The following CLUH variants were observed in gnomAD, a reference collection of about 807,000 sequenced individuals.
The protein encoded by CLUH is CLUH binding protein of NUMT mRNA, also known as clustered mitochondria protein homolog.
A neutral mutation model predicts 139.3 loss-of-function variants in CLUH; 77 were observed. The observed-to-expected ratio is 0.55, with a 90% CI of 0.46 to 0.67. The LOEUF (loss-of-function observed/expected upper bound fraction) is 0.67, where lower values mean the gene tolerates loss of function less well. CLUH is among the 30% of genes least tolerant of loss of function. The probability of loss-of-function intolerance (pLI) is 0.00; values close to 1 mark genes in which losing one functional copy is unlikely to be tolerated. For missense variants in CLUH, 1,876 were observed against 1,875.8 expected (o/e 1.00, Z 0.00); for synonymous variants, 999 against 801.6 (o/e 1.25, Z -4.16).
At position 2,707,669 on chromosome 17, in the gene CLUH, C is replaced by G. The variant is rs566392738; in HGVS notation, c.101-3105G>C. ...AGGGGGTCCTCTCCTCCGCTCCCAT[C>G]CCAGTGGGGGTGAACAGGACCGCTT... is the stretch of plus-strand genomic sequence containing the variant. On this transcript the variant is annotated intron_variant, in intron 1 of 25. Coordinates refer to ENST00000651024, the MANE Select transcript of CLUH (RefSeq NM_001366661.1). This position sits in a 1 kb window ranked among gnomAD's most constrained non-coding sequence, Gnocchi z 7.4. 1 of 985,406 alleles carries G rather than the reference C, an allele frequency of 1.0e-6. No homozygotes were observed. Among genetic ancestry groups the G allele is most frequent in the Admixed American group, 6.1e-5 (1 of 16,292 alleles). 61.0% of individuals were successfully genotyped at this position (985,406 alleles called of 1,614,324 possible).
In CLUH at chr17:2,698,337, GTGTACAGCCCCTCCACGTCCACCGCGT is replaced by G; in HGVS notation, c.1493_1519del (p.Asn498_Tyr506del). ...GTAATCCACCACCACCGTGCCCAGCGTGTACAGCCCCTCCACGTCCACCGCGTTGTACGTGCGGACGCCATTCAGGTC... is the reference window on the plus strand; with the variant it reads ...GTAATCCACCACCACCGTGCCCAGCGTGTACGTGCGGACGCCATTCAGGTC... On this transcript the variant is annotated inframe_deletion, in exon 10 of 26. Coordinates refer to ENST00000651024, the MANE Select transcript of CLUH (RefSeq NM_001366661.1). 2 of 1,613,116 alleles carry G rather than the reference GTGTACAGCCCCTCCACGTCCACCGCGT, an allele frequency of 1.2e-6. No individual in the cohort carries two copies. The highest frequency in any genetic ancestry group is 1.7e-6 in the Non-Finnish European group (2 of 1,179,750).
chr17:2,711,132 G>A (rs8068899), intron 1 of CLUH: 146,809 of 152,378 alleles, frequency 0.96, 70,972 homozygotes, highest in East Asian at 1. Context: ...GCGCACAGGG[G>A]ATGCCTGGGA....
At chr17:2,692,753 C>G (rs778394080) in intron 20 of CLUH, 27 bp downstream of exon 20, 1 of 1,599,256 alleles carries the variant, frequency 6.3e-7, no homozygotes, top group South Asian at 1.1e-5. Context: ...CTCGCATCCC[C>G]CGGCGCGGGC....
Position 2,689,465 on chromosome 17 carries a change from C to T in CLUH, c.*1129G>A, listed in dbSNP as rs935434756. ...TTAAAAACAAGAAAAAGTTCTTGCT[C>T]AGCGGTGGGGATGCTCTGCTTGCCC... On this transcript the variant is annotated 3_prime_UTR_variant, in exon 26 of 26. Coordinates refer to ENST00000651024, the MANE Select transcript of CLUH (RefSeq NM_001366661.1). The T allele has an allele frequency of 2.0e-5, 3 of 152,692 alleles. No homozygotes were observed. The highest frequency in any genetic ancestry group is 4.4e-5 in the Non-Finnish European group (3 of 68,088). The allele number at this position is 152,692 out of a possible 1,614,324, so 9.5% of individuals were successfully genotyped here.
At chr17:2,692,318 C>T (rs1486537911) in intron 22 of CLUH, 43 bp downstream of exon 22, 4 of 1,498,378 alleles carry the variant, frequency 2.7e-6, no homozygotes, top group Non-Finnish European at 3.5e-6. Flanking sequence ...GGCTGCCCCG[C>T]AGGCCTCCGC....
chr17:2,700,762 G>C lies in CLUH; in HGVS notation c.1089C>G (p.Pro363=), dbSNP rs1156616056. Residue 363 remains proline, a synonymous_variant, in exon 8 of 26, where the codon CCC becomes CCG. Transcript: ENST00000651024. Reference sequence around the variant, plus strand: ...CGCAATCCATGGCATGCTCCGCCTGGGGGGCTGTCCAGCTGTACACCTGGA... The same window carrying C: ...CGCAATCCATGGCATGCTCCGCCTGCGGGGCTGTCCAGCTGTACACCTGGA... The part of the protein sequence containing the change: ...TPFQVYSWTA[P]QAEHAMDCVR... The C allele has an allele frequency of 6.5e-7, 1 of 1,545,786 alleles. No individual in the cohort carries two copies. Among genetic ancestry groups the C allele is most frequent in the Non-Finnish European group, 8.7e-7 (1 of 1,151,562 alleles).
chr17:2,701,445 G>T lies in CLUH; in HGVS notation c.820C>A (p.Leu274Ile), dbSNP rs1292764717. 9.9e-6 allele frequency: 16 copies of T among 1,613,424 alleles called. No individual in the cohort carries two copies. The highest frequency in any genetic ancestry group is 3.4e-6 in the Non-Finnish European group (4 of 1,179,762). The change falls in exon 6 of 26, where the codon CTC becomes ATC. Residue 274 changes from leucine (L) to isoleucine (I), a missense_variant. By Grantham distance (5) the Leu-to-Ile change is conservative. This residue lies in a region of CLUH where 270 missense variants were observed against 354.7 expected (regional missense o/e 0.76). Coordinates refer to ENST00000651024, the MANE Select transcript of CLUH (RefSeq NM_001366661.1). ...GCTGTGATCACAAACAGGTACATGAGGTCCCCGTGCATCTTCCGGTTCCCC... is the reference window on the plus strand; with the variant it reads ...GCTGTGATCACAAACAGGTACATGATGTCCCCGTGCATCTTCCGGTTCCCC... ...PPGNRKMHGD[L>I]MYLFVITAED...
chr17:2,691,839 G>C lies in CLUH; in HGVS notation c.3711C>G (p.Thr1237=), dbSNP rs149829712. The change falls in exon 24 of 26, where the codon ACC becomes ACG. Residue 1237 remains threonine, a synonymous_variant. Transcript: ENST00000651024. The part of the protein sequence containing the change: ...KESSEYLKCL[T]QQAVALQRTM... ...TGCGCTGCAGGGCCACGGCCTGCTG[G>C]GTCAGGCACTTGAGGTACTCGGAGC... is the stretch of plus-strand genomic sequence containing the variant. The C allele has an allele frequency of 0.012, 18,058 of 1,560,102 alleles. 140 individuals carry two copies. The highest frequency in any genetic ancestry group is 0.014 in the Non-Finnish European group (16,416 of 1,153,452).
chr17:2,694,826 A>AGGCCCCCC, intron 16 of CLUH, 31 bp downstream of exon 16: 3 of 796,178 alleles, frequency 3.8e-6, no homozygotes, highest in East Asian at 3.9e-5. Flanking sequence ...GCCCAATCCC[A>AGGCCCCCC]CCCACCCCAC....
Position 2,707,525 on chromosome 17 carries a change from A to C in CLUH, c.101-2961T>G. ...TCAGGCCCACCTCCCTATGCCCCCTAGAGAGGGGGTCACTGCCGGCAAAGC... is the reference window on the plus strand; with the variant it reads ...TCAGGCCCACCTCCCTATGCCCCCTCGAGAGGGGGTCACTGCCGGCAAAGC... On this transcript the variant is annotated intron_variant, in intron 1 of 25. Transcript: ENST00000651024. The surrounding 1 kb of genome is among the most constrained non-coding windows in gnomAD (Gnocchi z 7.4). 1 of 985,340 alleles carries C rather than the reference A, an allele frequency of 1.0e-6. No homozygotes were observed. Among genetic ancestry groups the C allele is most frequent in the Non-Finnish European group, 1.2e-6 (1 of 829,866 alleles). The allele number at this position is 985,340 out of a possible 1,614,324, so 61.0% of individuals were successfully genotyped here. A position where few individuals can be genotyped will look rare whatever the true frequency, so the allele number is the denominator to read the frequency against.
At position 2,690,016 on chromosome 17, in the gene CLUH, C is replaced by T. The variant is rs1376828571; in HGVS notation, c.*578G>A. ...AGTCACAACGGCGGCTCCCGTCCCG[C>T]CCCAAACTAAAGTGCACCCCAGCCC... On this transcript the variant is annotated 3_prime_UTR_variant, in exon 26 of 26. Coordinates refer to ENST00000651024, the MANE Select transcript of CLUH (RefSeq NM_001366661.1). 4 of 152,252 alleles carry T rather than the reference C, an allele frequency of 2.6e-5. No individual in the cohort carries two copies. The highest frequency in any genetic ancestry group is 2.6e-4 in the Admixed American group (4 of 15,264). 9.4% of individuals were successfully genotyped at this position (152,252 alleles called of 1,614,324 possible).
rs772082865 is a variant in CLUH, at chr17:2,691,997, C to CCCGCCCCCGCCCCCGCT, written c.3654+6_3654+7insAGCGGGGGCGGGGGCGG. On this transcript the variant is annotated splice_region_variant and intron_variant, in intron 23 of 25. Coordinates refer to ENST00000651024, the MANE Select transcript of CLUH (RefSeq NM_001366661.1). ...GCCCCCGCCCCCGCCACGCCCCCGC[C>CCCGCCCCCGCCCCCGCT]GCGCACCTGCGTCTTGTAGATGGTG... The CCCGCCCCCGCCCCCGCT allele has an allele frequency of 9.0e-6, 12 of 1,331,402 alleles. No individual in the cohort carries two copies. The highest frequency in any genetic ancestry group is 1.2e-5 in the Non-Finnish European group (12 of 1,009,284). The allele number at this position is 1,331,402 out of a possible 1,614,324, so 82.5% of individuals were successfully genotyped here.
At chr17:2,695,988 C>A in intron 13 of CLUH, 171 bp downstream of exon 13, 1 of 623,274 alleles carries the variant, frequency 1.6e-6, no homozygotes, top group Middle Eastern at 4.3e-4. Flanking sequence ...GGGCCTGTGC[C>A]CTTGACCTCT....
intron 9 of CLUH, among the ~76,000 whole-genome samples, chr17:2,699,451 C>A (rs1032132355): frequency 5.9e-5 from 9 of 152,108 alleles, no homozygotes; most frequent in African/African-American, 1.9e-4. Flanking sequence ...TCCAGCCTCC[C>A]GAGTAGCTGG....
intron 1 of CLUH, among the ~76,000 whole-genome samples, chr17:2,709,075 C>T (rs1363959632): frequency 6.6e-6 from 1 of 152,214 alleles, no homozygotes; most frequent in African/African-American, 2.4e-5. Flanking sequence ...ACAAAGCACA[C>T]CCTTGCCCCG....
In CLUH at chr17:2,692,556, C is replaced by T. The variant is rs561933251; in HGVS notation, c.3438+15G>A. ...TGGAGCTGGGTCCCTGCCGCCCCCC[C>T]GCCCCAGCACTCACGTCCAGCAGCG... On this transcript the variant is annotated intron_variant, in intron 21 of 25. Transcript: ENST00000651024. The T allele has an allele frequency of 2.4e-4, 382 of 1,606,404 alleles. 3 individuals are homozygous for T. The South Asian group carries it at 3.6e-3, about 15-fold the overall frequency.
chr17:2,696,138 GCCC>G lies in CLUH; in HGVS notation c.2391+18_2391+20del. ...GCACCCTCCACACAAGCCCCACCCA[GCCC>G]CGCAGCCCCTCCCTCACCAAGCCAG... On this transcript the variant is annotated intron_variant, in intron 13 of 25. Coordinates refer to ENST00000651024, the MANE Select transcript of CLUH (RefSeq NM_001366661.1). The G allele has an allele frequency of 2.6e-6, 4 of 1,509,636 alleles. 1 individual carries two copies. In the South Asian group the frequency reaches 4.8e-5, roughly 18 times the overall value. The allele number at this position is 1,509,636 out of a possible 1,614,324, so 93.5% of individuals were successfully genotyped here.
rs534598485 is a variant in CLUH, at chr17:2,703,515, C to A, written c.304-26G>T. ...CTGCAGGGAGAAGGCCCCGCCCACC[C>A]CGGTGAGAGAGCACGTAGCGGGGAG... is the stretch of plus-strand genomic sequence containing the variant. On this transcript the variant is annotated intron_variant, in intron 2 of 25. Coordinates refer to ENST00000651024, the MANE Select transcript of CLUH (RefSeq NM_001366661.1). The surrounding 1 kb of genome is among the most constrained non-coding windows in gnomAD (Gnocchi z 4.2). 14 of 1,606,312 alleles carry A rather than the reference C, an allele frequency of 8.7e-6. No individual in the cohort carries two copies. Among genetic ancestry groups the A allele is most frequent in the Non-Finnish European group, 1.2e-5 (14 of 1,175,296 alleles).
intron 10 of CLUH, 84 bp from the exon 11 acceptor site, chr17:2,697,026 C>T (rs1427512025): frequency 3.7e-6 from 4 of 1,067,420 alleles, no homozygotes; most frequent in Non-Finnish European, 5.3e-6. Flanking sequence ...GCAGCTGGGG[C>T]TCCACACCCC....
Sources: allele counts gnomAD v4.1 joint callset (sites outside exome capture counted in the v4.1 genomes callset), GRCh38; gene constraint gnomAD v4.1.1; regional missense constraint gnomAD v4.1.1; non-coding constraint Gnocchi (gnomAD v3.1); transcripts MANE v1.5; gene names NCBI Gene and HGNC (gene_info 2026-07-23, HGNC 2026-07-21).